PCDH9: variants seen among roughly 807,000 people sequenced by gnomAD.
PCDH9 encodes protocadherin 9.
Under a neutral mutation model 70.6 loss-of-function variants are expected in PCDH9, and 24 were observed. The ratio of observed to expected loss-of-function variants is 0.34; its 90% confidence interval spans 0.25 to 0.48. The LOEUF (loss-of-function observed/expected upper bound fraction) is 0.48, where lower values mean the gene tolerates loss of function less well. Among genes scored for constraint, PCDH9 ranks in the 20% least tolerant of loss-of-function variants. PCDH9 has a pLI of 0.99. For synonymous variants in PCDH9, 562 were observed against 558.5 expected (o/e 1.01, Z -0.09); for missense variants, 1,281 against 1,503.6 (o/e 0.85, Z 2.45).
At chr13:66,821,788 A>G (rs2080716015) in intron 3 of PCDH9, among the ~76,000 whole-genome samples, 1 of 152,182 alleles carries the variant, frequency 6.6e-6, no homozygotes, top group South Asian at 2.1e-4. Flanking sequence ...CCTTCATACC[A>G]TAACTGGAAA....
At chr13:66,673,583 C>T (rs2078206091) in intron 3 of PCDH9, among the ~76,000 whole-genome samples, 1 of 152,118 alleles carries the variant, frequency 6.6e-6, no homozygotes, top group South Asian at 2.1e-4. Context: ...GGCACATAGG[C>T]AGGGAACAGA....
At chr13:66,597,519 A>C (rs1380628654) in intron 4 of PCDH9, among the ~76,000 whole-genome samples, 11 of 151,752 alleles carry the variant, frequency 7.2e-5, no homozygotes, top group Non-Finnish European at 8.8e-5. Flanking sequence ...GGAAGACTGG[A>C]CATCCACATG....
chr13:67,116,910 T>G (rs1335663160), intron 2 of PCDH9, among the ~76,000 whole-genome samples: 1 of 152,162 alleles, frequency 6.6e-6, no homozygotes, highest in Admixed American at 6.6e-5. Context: ...TAATGTTGTC[T>G]CTCAGGGAAT....
intron 2 of PCDH9, among the ~76,000 whole-genome samples, chr13:67,121,515 T>C (rs1182063195): frequency 6.6e-6 from 1 of 152,204 alleles, no homozygotes; most frequent in African/African-American, 2.4e-5. Flanking sequence ...ACAGAATAAT[T>C]ACAGTGTTTG....
intron 2 of PCDH9, among the ~76,000 whole-genome samples, chr13:67,046,397 G>A (rs1195404606): frequency 2.0e-5 from 3 of 152,100 alleles, no homozygotes; most frequent in Non-Finnish European, 2.9e-5. Context: ...TGATAAAATT[G>A]ATAAAGCTGA....
chr13:66,493,164 T>C (rs1959059511), intron 4 of PCDH9, among the ~76,000 whole-genome samples: 3 of 152,216 alleles, frequency 2.0e-5, no homozygotes, highest in Non-Finnish European at 2.9e-5. Context: ...TTCTTACATT[T>C]ACATCTTTTT....
rs78519876 is a variant in PCDH9, at chr13:66,703,585, A to G, written c.3139-72174T>C. Among the ~76,000 whole-genome samples the G allele has an allele frequency of 3.8e-3, 574 of 152,188 alleles. 28 individuals carry two copies. The East Asian group carries it at 0.1, about 28-fold the overall frequency. ...TTGTCTATTCAGATTTAATGGACAG[A>G]TAGATTAATTGAAATTAAGAAAACA... On this transcript the variant is annotated intron_variant, in intron 3 of 4. Coordinates refer to ENST00000377865, the MANE Select transcript of PCDH9 (RefSeq NM_203487.3).
chr13:66,746,619 A>G (rs938247935), intron 3 of PCDH9, among the ~76,000 whole-genome samples: 1 of 152,194 alleles, frequency 6.6e-6, no homozygotes, highest in South Asian at 2.1e-4. Flanking sequence ...AAGTGAAAAT[A>G]AGTATATACA....
intron 3 of PCDH9, among the ~76,000 whole-genome samples, chr13:66,849,262 T>C (rs948940968): frequency 2.6e-5 from 4 of 151,978 alleles, no homozygotes; most frequent in Non-Finnish European, 4.4e-5. Flanking sequence ...CCAGAAAGAA[T>C]ACTTAATTTG....
chr13:66,398,240 A>G (rs988077156), intron 4 of PCDH9, among the ~76,000 whole-genome samples: 1 of 152,096 alleles, frequency 6.6e-6, no homozygotes, highest in African/African-American at 2.4e-5. Context: ...TGTCCAAATT[A>G]AGGACAAGAT....
chr13:66,716,108 A>G (rs1373563369), intron 3 of PCDH9, among the ~76,000 whole-genome samples: 7 of 152,382 alleles, frequency 4.6e-5, no homozygotes, highest in African/African-American at 1.7e-4. Context: ...GCTGTAAAGC[A>G]TTCAGAATAG....
intron 4 of PCDH9, among the ~76,000 whole-genome samples, chr13:66,593,573 G>A (rs193082357): frequency 8.3e-4 from 126 of 151,624 alleles, no homozygotes; most frequent in Non-Finnish European, 3.5e-4. Flanking sequence ...AAAATACCTC[G>A]TGGTTTTTCT....
intron 4 of PCDH9, among the ~76,000 whole-genome samples, chr13:66,451,664 A>G (rs1377698770): frequency 6.6e-6 from 1 of 152,238 alleles, no homozygotes; most frequent in Non-Finnish European, 1.5e-5. Context: ...GATGAAATCA[A>G]TTCCCAGAAG....
chr13:67,188,243 T>C (rs1040131398), intron 2 of PCDH9, among the ~76,000 whole-genome samples: 1 of 152,186 alleles, frequency 6.6e-6, no homozygotes, highest in Non-Finnish European at 1.5e-5. Flanking sequence ...TACCTTGCTA[T>C]GTCAGCAGTG....
intron 3 of PCDH9, among the ~76,000 whole-genome samples, chr13:66,871,451 TCA>T (rs1303169267): frequency 2.0e-5 from 3 of 151,816 alleles, no homozygotes; most frequent in African/African-American, 7.3e-5. Flanking sequence ...AAAGTCCTGT[TCA>T]CACACGATAC....
intron 3 of PCDH9, among the ~76,000 whole-genome samples, chr13:66,666,315 G>GT (rs1273554975): frequency 6.6e-6 from 1 of 152,216 alleles, no homozygotes; most frequent in African/African-American, 2.4e-5. Flanking sequence ...GGAAGTCCTG[G>GT]TGCCCGGGCC....
chr13:67,044,041 A>T (rs2085174890), intron 2 of PCDH9, among the ~76,000 whole-genome samples: 1 of 152,100 alleles, frequency 6.6e-6, no homozygotes. Flanking sequence ...AGGATTAATA[A>T]GATTAACTCA....
intron 2 of PCDH9, among the ~76,000 whole-genome samples, chr13:67,153,024 C>A (rs2087702007): frequency 6.6e-6 from 1 of 151,892 alleles, no homozygotes; most frequent in Admixed American, 6.6e-5. Context: ...CCTGGAAGTG[C>A]ACTCATTCTC....
intron 2 of PCDH9, among the ~76,000 whole-genome samples, chr13:67,126,226 A>T (rs760761437): frequency 1.3e-5 from 2 of 152,150 alleles, no homozygotes. Context: ...TATCTTAATC[A>T]ACCCATAGCA....
Sources: gnomAD v4.1 joint callset for allele counts (sites outside exome capture counted in the v4.1 genomes callset) on GRCh38, gnomAD v4.1.1 for gene constraint, MANE v1.5 for transcripts, NCBI Gene and HGNC (gene_info 2026-07-23, HGNC 2026-07-21) for gene names.